The following RBPJ variants were observed in gnomAD, a reference collection of about 807,000 sequenced individuals.
RBPJ encodes recombining binding protein suppressor of hairless.
A neutral mutation model predicts 67.8 loss-of-function variants in RBPJ; 9 were observed. That is an observed-to-expected ratio of 0.13 (90% confidence interval 0.08 to 0.23). The LOEUF (loss-of-function observed/expected upper bound fraction) is 0.23, where lower values mean the gene tolerates loss of function less well. Ranked by LOEUF, RBPJ falls within the 10% of genes least tolerant of loss-of-function variation. RBPJ has a pLI of 1.00. For synonymous variants in RBPJ, 198 were observed against 203.3 expected (o/e 0.97, Z 0.22); for missense variants, 305 against 595.6 (o/e 0.51, Z 5.08).
chr4:26,157,237 C>A, the RBPJ span, among the ~76,000 whole-genome samples: 1 of 152,240 alleles, frequency 6.6e-6, no homozygotes, highest in African/African-American at 2.4e-5. Flanking sequence ...CAAGACCAGC[C>A]TGGGCAACTC....
chr4:26,113,054 A>ATAAGGGAGAATCTTAG, the RBPJ span: 1 of 165,880 alleles, frequency 6.0e-6, no homozygotes, highest in Non-Finnish European at 1.3e-5. Flanking sequence ...TGCCCAACCT[A>ATAAGGGAGAATCTTAG]TAAGGGAGAA....
chr4:26,349,092 GCGCGCA>G (rs1726513873), intron 1 of RBPJ, among the ~76,000 whole-genome samples: 1 of 138,804 alleles, frequency 7.2e-6, no homozygotes, highest in Admixed American at 7.7e-5. Context: ...GTGTGTGCGC[GCGCGCA>G]CGCACTTGCC....
At chr4:26,315,209 G>A (rs1722574326), upstream of RBPJ, among the ~76,000 whole-genome samples, 12 of 133,292 alleles carry the variant, frequency 9.0e-5, no homozygotes, top group South Asian at 2.8e-3. Flanking sequence ...TATATACTGG[G>A]GAACCCACCC....
the RBPJ span, among the ~76,000 whole-genome samples, chr4:26,125,397 T>C: frequency 1.3e-5 from 2 of 152,222 alleles, no homozygotes; most frequent in Non-Finnish European, 2.9e-5. Context: ...TTTTTATGTA[T>C]CCTGTAATCT....
chr4:26,315,898 A>T (rs1722593831), upstream of RBPJ, among the ~76,000 whole-genome samples: 2 of 152,146 alleles, frequency 1.3e-5, no homozygotes, highest in Non-Finnish European at 2.9e-5. Context: ...GGCTCTCTGC[A>T]AGAAGAAAAA....
At chr4:26,423,288 G>A (rs1412018720) in intron 5 of RBPJ, among the ~76,000 whole-genome samples, 2 of 152,186 alleles carry the variant, frequency 1.3e-5, no homozygotes, top group East Asian at 3.8e-4. Flanking sequence ...AAGGTAGAAG[G>A]TTTCTTTCTG....
chr4:26,215,012 GAGA>G (rs1718630942), intron 1 of RBPJ, among the ~76,000 whole-genome samples: 2 of 59,800 alleles, frequency 3.3e-5, no homozygotes, highest in African/African-American at 1.4e-4. Flanking sequence ...AGGAAGGAAG[GAGA>G]GAAAGAAAGA....
In RBPJ at chr4:26,259,040, G is replaced by T. The variant is rs185375212; in HGVS notation, c.-167+95426G>T. 2.8e-3 allele frequency among the ~76,000 whole-genome samples: 429 copies of T among 152,056 alleles called. 5 individuals are homozygous for T. The highest frequency in any genetic ancestry group is 0.014 in the Middle Eastern group (4 of 294). ...GATAGTCTCAACCTCCTGACCTCGT[G>T]ATCCACCCCCCTCAGACTCCCAAAG... On this transcript the variant is annotated intron_variant, in intron 1 of 4. Transcript: ENST00000512351.
chr4:26,426,180 T>C (rs1216205872), intron 7 of RBPJ, among the ~76,000 whole-genome samples: 5 of 152,176 alleles, frequency 3.3e-5, no homozygotes, highest in African/African-American at 7.2e-5. Context: ...TCATTTTTTT[T>C]CTCTTCTCAT....
the RBPJ span, among the ~76,000 whole-genome samples, chr4:26,110,205 C>G: frequency 1.1e-4 from 16 of 152,180 alleles, no homozygotes; most frequent in Admixed American, 8.5e-4. This position sits in a 1 kb window ranked among gnomAD's most constrained non-coding sequence, Gnocchi z 4.5. Context: ...TTTCTCTGTA[C>G]TTCTTACTCC....
chr4:26,215,727 G>A (rs930654044), intron 1 of RBPJ, among the ~76,000 whole-genome samples: 16 of 152,106 alleles, frequency 1.1e-4, no homozygotes, highest in Non-Finnish European at 1.5e-5. Context: ...TCAAAGCAGA[G>A]AGCGACACCC....
chr4:26,262,058 A>T (rs890313490), intron 1 of RBPJ, among the ~76,000 whole-genome samples: 67 of 152,170 alleles, frequency 4.4e-4, no homozygotes, highest in African/African-American at 1.5e-3. Context: ...CGGTCCTCCC[A>T]CCTCAGCCTC....
In RBPJ at chr4:26,201,585, A is replaced by G. The variant is rs80138843; in HGVS notation, c.-167+37971A>G. ...TCTCCCACTTTTACCTCTACCTCTC[A>G]TTTTCACCCTCAACACACATGACCT... is the stretch of plus-strand genomic sequence containing the variant. On this transcript the variant is annotated intron_variant, in intron 1 of 4. Transcript: ENST00000512351. Among the ~76,000 whole-genome samples the G allele has an allele frequency of 6.6e-3, 1,000 of 151,946 alleles. 14 individuals carry two copies. The highest frequency in any genetic ancestry group is 0.023 in the African/African-American group (951 of 41,422).
chr4:26,147,007 G>A, the RBPJ span, among the ~76,000 whole-genome samples: 1 of 152,228 alleles, frequency 6.6e-6, no homozygotes, highest in Admixed American at 6.5e-5. Flanking sequence ...AGGAAAGGAG[G>A]AGGGAGTTGC....
chr4:26,375,099 T>C (rs950428166), intron 1 of RBPJ, among the ~76,000 whole-genome samples: 3 of 151,874 alleles, frequency 2.0e-5, no homozygotes, highest in African/African-American at 7.2e-5. Context: ...GCTCAGGAGT[T>C]TGAGACTAGC....
chr4:26,216,157 A>C (rs961102834), intron 1 of RBPJ, among the ~76,000 whole-genome samples: 2 of 152,006 alleles, frequency 1.3e-5, no homozygotes, highest in Non-Finnish European at 2.9e-5. Flanking sequence ...TGTGTCTCAA[A>C]TCTCCCTCTG....
chr4:26,262,843 C>T (rs1720583583), intron 1 of RBPJ, among the ~76,000 whole-genome samples: 1 of 152,154 alleles, frequency 6.6e-6, no homozygotes, highest in Non-Finnish European at 1.5e-5. Flanking sequence ...TTTCCCCAAA[C>T]TTGCTTGTCT....
At chr4:26,354,190 C>A (rs903496617) in intron 1 of RBPJ, among the ~76,000 whole-genome samples, 1 of 152,258 alleles carries the variant, frequency 6.6e-6, no homozygotes, top group South Asian at 2.1e-4. Context: ...CTCGGCCTCC[C>A]AAAGTGCTGG....
chr4:26,409,980 C>A (rs1733859074), intron 3 of RBPJ: 1 of 435,912 alleles, frequency 2.3e-6, no homozygotes, highest in East Asian at 7.3e-5. Context: ...TCAAAGTAGA[C>A]CTGCATTACT....
Sources: allele counts gnomAD v4.1 joint callset (sites outside exome capture counted in the v4.1 genomes callset), GRCh38; gene constraint gnomAD v4.1.1; non-coding constraint Gnocchi (gnomAD v3.1); transcripts MANE v1.5; gene names NCBI Gene and HGNC (gene_info 2026-07-23, HGNC 2026-07-21).